H6PD: variants seen among roughly 807,000 people sequenced by gnomAD.
H6PD encodes the protein hexose-6-phosphate dehydrogenase/glucose 1-dehydrogenase.
Under a neutral mutation model 61.2 loss-of-function variants are expected in H6PD, and 48 were observed. That is an observed-to-expected ratio of 0.78 (90% CI 0.62 to 1.00). The LOEUF is 1.00. H6PD is among the 50% of genes least tolerant of loss of function. The pLI, the probability that H6PD is intolerant of heterozygous loss-of-function variation, is 0.00. For missense variants in H6PD, 1,093 were observed against 1,065.0 expected (o/e 1.03, Z -0.37); for synonymous variants, 480 against 457.9 (o/e 1.05, Z -0.62).
intron 4 of H6PD, among the ~76,000 whole-genome samples, chr1:9,262,715 G>A (rs893408871): frequency 1.3e-5 from 2 of 152,232 alleles, no homozygotes; most frequent in African/African-American, 4.8e-5. Flanking sequence ...TGCCATGCCA[G>A]GGCTGTCCTC....
chr1:9,238,476 A>G (rs536400984), intron 1 of H6PD, among the ~76,000 whole-genome samples: 1 of 152,314 alleles, frequency 6.6e-6, no homozygotes, highest in African/African-American at 2.4e-5. Context: ...GGTGGCTGGC[A>G]CTGGAGTGGA....
intron 1 of H6PD, among the ~76,000 whole-genome samples, chr1:9,243,499 C>T (rs2100320716): frequency 1.3e-5 from 2 of 152,274 alleles, no homozygotes; most frequent in East Asian, 3.9e-4. Flanking sequence ...TGACTAGTTC[C>T]CATGGGCATG....
Position 9,245,549 on chromosome 1 carries a change from C to T in H6PD, c.615C>T (p.Tyr205=). The T allele has an allele frequency of 6.2e-7, 1 of 1,614,124 alleles. No homozygotes were observed. Among genetic ancestry groups the T allele is most frequent in the Non-Finnish European group, 8.5e-7 (1 of 1,180,002 alleles). Reference sequence around the variant, plus strand: ...AGGAGATGTACCGGGTGGACCATTACTTAGGCAAGCAGGTGAGCATCAGCA... The same window carrying T: ...AGGAGATGTACCGGGTGGACCATTATTTAGGCAAGCAGGTGAGCATCAGCA... ...QEEEMYRVDH[Y]LGKQAVAQIL... is the part of the protein sequence containing the mutation. Residue 205 remains tyrosine, a synonymous_variant, in exon 2 of 5, where the codon TAC becomes TAT. Coordinates refer to ENST00000377403, the MANE Select transcript of H6PD (RefSeq NM_004285.4). This position sits in a 1 kb window ranked among gnomAD's most constrained non-coding sequence, Gnocchi z 4.8.
Position 9,237,621 on chromosome 1 carries a change from C to G in H6PD, c.-11+2555C>G, listed in dbSNP as rs200869200. 1.8e-4 allele frequency among the ~76,000 whole-genome samples: 28 copies of G among 152,212 alleles called. No homozygotes were observed. In the East Asian group the frequency reaches 3.9e-3, roughly 21 times the overall value. On this transcript the variant is annotated intron_variant, in intron 1 of 4. Coordinates refer to ENST00000377403, the MANE Select transcript of H6PD (RefSeq NM_004285.4). ...TGTTACCTACCTCATATGGTTGTGG[C>G]AAGATTTAAATGGTGTGATGCATGT...
At chr1:9,250,392 G>A (rs1319699494) in intron 3 of H6PD, among the ~76,000 whole-genome samples, 16 of 94,632 alleles carry the variant, frequency 1.7e-4, no homozygotes, top group African/African-American at 2.9e-4. Flanking sequence ...CACACACACC[G>A]CAGGCCATTC....
chr1:9,257,527 T>C (rs904612438), intron 3 of H6PD, among the ~76,000 whole-genome samples: 2 of 152,228 alleles, frequency 1.3e-5, no homozygotes, highest in African/African-American at 2.4e-5. Flanking sequence ...TCCGTGACAA[T>C]GTGTGGATCT....
Position 9,265,062 on chromosome 1 carries a change from A to T in H6PD, c.*193A>T. On this transcript the variant is annotated 3_prime_UTR_variant, in exon 5 of 5. Transcript: ENST00000377403. ...CCGGCAGCTCTGTGTATTGGTGGAT[A>T]GATGCAGAAACAAGGAAGAAATGGA... 1.5e-6 allele frequency: 1 copy of T among 648,224 alleles called. No individual in the cohort carries two copies. The highest frequency in any genetic ancestry group is 1.8e-5 in the South Asian group (1 of 56,646). 40.2% of individuals were successfully genotyped at this position (648,224 alleles called of 1,614,324 possible). A position where few individuals can be genotyped will look rare whatever the true frequency, so the allele number is the denominator to read the frequency against.
Position 9,245,532 on chromosome 1 carries a change from T to C in H6PD, c.598T>C (p.Tyr200His). 1 of 1,614,178 alleles carries C rather than the reference T, an allele frequency of 6.2e-7. No homozygotes were observed. Among genetic ancestry groups the C allele is most frequent in the East Asian group, 2.2e-5 (1 of 44,882 alleles). ...GACCTTTTTCCAGGAGGAGGAGATG[T>C]ACCGGGTGGACCATTACTTAGGCAA... ...LGTFFQEEEM[Y>H]RVDHYLGKQA... The change falls in exon 2 of 5, where the codon TAC (tyrosine) becomes CAC (histidine). Residue 200 changes from tyrosine (Y) to histidine (H), a missense_variant. Coordinates refer to ENST00000377403, the MANE Select transcript of H6PD (RefSeq NM_004285.4). This position sits in a 1 kb window ranked among gnomAD's most constrained non-coding sequence, Gnocchi z 4.8.
chr1:9,265,089 T>A lies in H6PD; in HGVS notation c.*220T>A, dbSNP rs1638511428. The A allele has an allele frequency of 3.2e-6, 2 of 619,860 alleles. No individual in the cohort carries two copies. Among genetic ancestry groups the A allele is most frequent in the Admixed American group, 5.2e-5 (2 of 38,454 alleles). The allele number at this position is 619,860 out of a possible 1,614,324, so 38.4% of individuals were successfully genotyped here. Reference sequence around the variant, plus strand: ...ATGCAGAAACAAGGAAGAAATGGAGTCTGCTCCTGAGAAGCTTCAAATTCA... The same window carrying A: ...ATGCAGAAACAAGGAAGAAATGGAGACTGCTCCTGAGAAGCTTCAAATTCA... On this transcript the variant is annotated 3_prime_UTR_variant, in exon 5 of 5. Transcript: ENST00000377403.
chr1:9,262,315 G>A lies in H6PD; in HGVS notation c.1002G>A (p.Thr334=), dbSNP rs758822603. 1.2e-5 allele frequency: 20 copies of A among 1,603,102 alleles called. No individual in the cohort carries two copies. Among genetic ancestry groups the A allele is most frequent in the Middle Eastern group, 1.8e-4 (1 of 5,670 alleles). ...AGCCAGACAGCTTCCACAGCCTGACGCCGACCTTCGCAGGTGGGCCCTGGG... is the reference window on the plus strand; with the variant it reads ...AGCCAGACAGCTTCCACAGCCTGACACCGACCTTCGCAGGTGGGCCCTGGG... ...LQKPDSFHSL[T]PTFAAVLVHI... The change falls in exon 4 of 5, where the codon ACG becomes ACA. Residue 334 remains threonine, a synonymous_variant. Transcript: ENST00000377403.
At chr1:9,260,157 T>C (rs1641674843) in intron 3 of H6PD, among the ~76,000 whole-genome samples, 1 of 151,700 alleles carries the variant, frequency 6.6e-6, no homozygotes, top group Non-Finnish European at 1.5e-5. Context: ...TATATTGCTG[T>C]TGTTAAGCTG....
intron 1 of H6PD, among the ~76,000 whole-genome samples, chr1:9,244,051 G>A (rs529349211): frequency 4.7e-4 from 72 of 152,178 alleles, no homozygotes; most frequent in Non-Finnish European, 9.3e-4. Context: ...TGCAGAATGG[G>A]AGGACTGTCA....
chr1:9,251,809 C>T (rs1252706512), intron 3 of H6PD, among the ~76,000 whole-genome samples: 2 of 152,108 alleles, frequency 1.3e-5, no homozygotes, highest in East Asian at 3.9e-4. Context: ...CTCCTTGGCC[C>T]TCACCTCTTT....
At chr1:9,255,635 G>A (rs1641493566) in intron 3 of H6PD, among the ~76,000 whole-genome samples, 1 of 152,146 alleles carries the variant, frequency 6.6e-6, no homozygotes, top group Non-Finnish European at 1.5e-5. Flanking sequence ...TATTATTGCA[G>A]GGGAAGGGAA....
intron 3 of H6PD, among the ~76,000 whole-genome samples, chr1:9,250,316 C>T (rs1641318557): frequency 6.6e-6 from 1 of 151,982 alleles, no homozygotes; most frequent in Non-Finnish European, 1.5e-5. Context: ...ATTCGGAGCC[C>T]GCGGTCTGAC....
rs565260059 is a variant in H6PD, at chr1:9,268,997, G to A, written c.*4128G>A. 1.3e-5 allele frequency: 2 copies of A among 152,042 alleles called. No homozygotes were observed. The highest frequency in any genetic ancestry group is 2.4e-5 in the African/African-American group (1 of 41,480). The allele number at this position is 152,042 out of a possible 1,614,324, so 9.4% of individuals were successfully genotyped here. On this transcript the variant is annotated 3_prime_UTR_variant, in exon 5 of 5. Coordinates refer to ENST00000377403, the MANE Select transcript of H6PD (RefSeq NM_004285.4). ...CCTCTGCCTCCACTTTACCAGCTAC[G>A]TTTTTATCTTAAGCACATGGGGCTC...
Position 9,262,341 on chromosome 1 carries a change from G to T in H6PD, c.1015+13G>T, listed in dbSNP as rs1377913266. 1 of 1,593,624 alleles carries T rather than the reference G, an allele frequency of 6.3e-7. No homozygotes were observed. Among genetic ancestry groups the T allele is most frequent in the African/African-American group, 1.3e-5 (1 of 74,654 alleles). Reference sequence around the variant, plus strand: ...CCGACCTTCGCAGGTGGGCCCTGGGGCTGGGCATGGGGCACTGGGCTGCCC... The same window carrying T: ...CCGACCTTCGCAGGTGGGCCCTGGGTCTGGGCATGGGGCACTGGGCTGCCC... On this transcript the variant is annotated intron_variant, in intron 4 of 4. Coordinates refer to ENST00000377403, the MANE Select transcript of H6PD (RefSeq NM_004285.4).
At chr1:9,247,599 T>C (rs568292788) in intron 3 of H6PD, among the ~76,000 whole-genome samples, 1 of 152,254 alleles carries the variant, frequency 6.6e-6, no homozygotes, top group Admixed American at 6.5e-5. Flanking sequence ...TCCCCTGCCC[T>C]GCACAGTGTT....
rs1194249570 is a variant in H6PD, at chr1:9,263,498, C to T, written c.1016-11C>T. ...GCCAGAGAGTCACCCTCTGCTGTTC[C>T]CTCACCCCAGCCGTCCTAGTGCACA... is the stretch of plus-strand genomic sequence containing the variant. On this transcript the variant is annotated splice_polypyrimidine_tract_variant and intron_variant, in intron 4 of 4. Coordinates refer to ENST00000377403, the MANE Select transcript of H6PD (RefSeq NM_004285.4). 6.2e-7 allele frequency: 1 copy of T among 1,613,678 alleles called. No individual in the cohort carries two copies. The highest frequency in any genetic ancestry group is 8.5e-7 in the Non-Finnish European group (1 of 1,179,640).
Sources: gnomAD v4.1 joint callset for allele counts (sites outside exome capture counted in the v4.1 genomes callset) on GRCh38, gnomAD v4.1.1 for gene constraint, Gnocchi (gnomAD v3.1) non-coding constraint, MANE v1.5 for transcripts, NCBI Gene and HGNC (gene_info 2026-07-23, HGNC 2026-07-21) for gene names.